SLC22A9: variants seen among roughly 807,000 people sequenced by gnomAD.
The protein encoded by SLC22A9 is solute carrier family 22 member 9, also known as organic anion transporter 7.
A neutral mutation model predicts 50.1 loss-of-function variants in SLC22A9; 64 were observed. The ratio of observed to expected loss-of-function variants is 1.28; its 90% CI spans 1.04 to 1.57. The LOEUF (loss-of-function observed/expected upper bound fraction) is 1.57. Among genes scored for constraint, SLC22A9 ranks in the 40% most tolerant of loss-of-function variants. SLC22A9 has a pLI of 0.00. For missense variants in SLC22A9, 757 were observed against 676.1 expected (o/e 1.12, Z -1.33); for synonymous variants, 261 against 242.5 (o/e 1.08, Z -0.71).
At chr11:63,385,127 T>TTTG (rs61076713) in intron 6 of SLC22A9, among the ~76,000 whole-genome samples, 2 of 138,508 alleles carry the variant, frequency 1.4e-5, no homozygotes, top group Admixed American at 7.6e-5. Context: ...TTTTTTTTTT[T>TTTG]GCTGTGCAGA....
intron 6 of SLC22A9, among the ~76,000 whole-genome samples, chr11:63,402,425 T>C (rs977583010): frequency 1.3e-4 from 20 of 152,142 alleles, no homozygotes; most frequent in African/African-American, 4.6e-4. Context: ...GTTGTAGATA[T>C]GTGGCTTTAT....
intron 6 of SLC22A9, among the ~76,000 whole-genome samples, chr11:63,402,203 G>T (rs575733796): frequency 6.6e-6 from 1 of 151,986 alleles, no homozygotes; most frequent in African/African-American, 2.4e-5. Context: ...GATGTTCAGC[G>T]TGGTATTTCC....
At position 63,378,842 on chromosome 11, in the gene SLC22A9, A is replaced by G. The variant is rs566644233; in HGVS notation, c.954+3074A>G. Among the ~76,000 whole-genome samples the G allele has an allele frequency of 2.6e-5, 4 of 152,260 alleles. No individual in the cohort carries two copies. In the East Asian group the frequency reaches 7.7e-4, roughly 29 times the overall value. On this transcript the variant is annotated intron_variant, in intron 5 of 9. Coordinates refer to ENST00000279178, the MANE Select transcript of SLC22A9 (RefSeq NM_080866.3). ...GCAAGAGTTCTACAATGAGAACTAC[A>G]AAGCAATGATGAAAGAAAGCAGAGA...
chr11:63,397,700 T>C (rs960460628), intron 6 of SLC22A9, among the ~76,000 whole-genome samples: 1 of 152,034 alleles, frequency 6.6e-6, no homozygotes, highest in African/African-American at 2.4e-5. Context: ...TTATTGCCAA[T>C]GTGCACTCAA....
At chr11:63,404,148 T>A (rs935060498) in intron 6 of SLC22A9, among the ~76,000 whole-genome samples, 16 of 152,090 alleles carry the variant, frequency 1.1e-4, no homozygotes, top group Admixed American at 6.6e-4. Context: ...ATACCTATAA[T>A]GGAATATTAG....
At chr11:63,383,101 A>G (rs181515769) in intron 6 of SLC22A9, among the ~76,000 whole-genome samples, 24 of 152,298 alleles carry the variant, frequency 1.6e-4, no homozygotes, top group Admixed American at 3.9e-4. Flanking sequence ...GGGTCACTGA[A>G]TAGAAGGTGA....
intron 6 of SLC22A9, among the ~76,000 whole-genome samples, chr11:63,383,327 A>G (rs1003072392): frequency 6.6e-6 from 1 of 152,190 alleles, no homozygotes; most frequent in African/African-American, 2.4e-5. Flanking sequence ...AAACATGATA[A>G]AAAAAATCTG....
intron 6 of SLC22A9, among the ~76,000 whole-genome samples, chr11:63,395,096 GC>G (rs988941954): frequency 6.6e-6 from 1 of 151,706 alleles, no homozygotes; most frequent in African/African-American, 2.4e-5. Flanking sequence ...AGTTTCTTTT[GC>G]TTTTTCTTTA....
Position 63,374,062 on chromosome 11 carries a change from G to A in SLC22A9, c.830G>A (p.Ser277Asn). ...VPYFVIFLTS[S>N]WLLESARWLI... ...TACTTTGTGATCTTTCTGACCTCAA[G>A]GTATGAGTTTGTTTCTTCTTTTGTC... Residue 277 changes from serine to asparagine, a missense_variant and splice_region_variant, in exon 4 of 10, where the codon AGT becomes AAT. By Grantham distance (46) the Ser-to-Asn change is conservative (BLOSUM62 1). Transcript: ENST00000279178. 4 of 1,602,732 alleles carry A rather than the reference G, an allele frequency of 2.5e-6. No homozygotes were observed. Among genetic ancestry groups the A allele is most frequent in the South Asian group, 1.1e-5 (1 of 88,896 alleles).
intron 6 of SLC22A9, among the ~76,000 whole-genome samples, chr11:63,391,888 C>G (rs1242854024): frequency 1.3e-5 from 2 of 151,892 alleles, no homozygotes; most frequent in Admixed American, 1.3e-4. Context: ...TATCTTCCTT[C>G]TCTCCTTCCT....
In SLC22A9 at chr11:63,376,658, T is replaced by C. The variant is rs963598366; in HGVS notation, c.954+890T>C. Among the ~76,000 whole-genome samples, 10 of 152,048 alleles carry C rather than the reference T, an allele frequency of 6.6e-5. No individual in the cohort carries two copies. In the South Asian group the frequency reaches 1.5e-3, roughly 22 times the overall value. The stretch of plus-strand genomic sequence containing the variant: ...AAAAATACATTTTCTCCCATTTTAT[T>C]GAAAAAGGAGAGGATTAAGAGCAAG... On this transcript the variant is annotated intron_variant, in intron 5 of 9. Transcript: ENST00000279178.
intron 6 of SLC22A9, among the ~76,000 whole-genome samples, chr11:63,395,855 A>G (rs1485801233): frequency 6.6e-6 from 1 of 151,260 alleles, no homozygotes. Flanking sequence ...CTGAGCTCAG[A>G]CTCTCCTTGG....
Position 63,408,172 on chromosome 11 carries a change from A to G in SLC22A9, c.1349A>G (p.Asn450Ser). 5 of 1,613,766 alleles carry G rather than the reference A, an allele frequency of 3.1e-6. No homozygotes were observed. The highest frequency in any genetic ancestry group is 1.3e-5 in the African/African-American group (1 of 75,022). ...GGCTTAGGAGCGTCTGCTCTTGCCAATACCCTTGCTTTTGCCCATGGAAAT... is the reference window on the plus strand; with the variant it reads ...GGCTTAGGAGCGTCTGCTCTTGCCAGTACCCTTGCTTTTGCCCATGGAAAT... Reference protein sequence around the residue: ...TLGLGASALANTLAFAHGNEV... With the variant: ...TLGLGASALASTLAFAHGNEV... Residue 450 changes from asparagine (N) to serine (S), a missense_variant, in exon 8 of 10, where the codon AAT becomes AGT. Coordinates refer to ENST00000279178, the MANE Select transcript of SLC22A9 (RefSeq NM_080866.3).
At chr11:63,409,743 T>C in intron 9 of SLC22A9, 59 bp from the exon 10 acceptor site, 1 of 1,508,626 alleles carries the variant, frequency 6.6e-7, no homozygotes, top group East Asian at 2.3e-5. Flanking sequence ...GACTTACATG[T>C]TTAGTCCATG....
intron 5 of SLC22A9, among the ~76,000 whole-genome samples, chr11:63,379,655 G>T (rs575220531): frequency 1.3e-5 from 2 of 152,236 alleles, no homozygotes; most frequent in East Asian, 3.9e-4. Context: ...AATCTATAAG[G>T]CACATGAACA....
intron 6 of SLC22A9, among the ~76,000 whole-genome samples, chr11:63,390,866 G>A (rs1030472169): frequency 7.9e-5 from 12 of 151,822 alleles, no homozygotes; most frequent in Admixed American, 2.0e-4. Context: ...CTGATTTGGG[G>A]TTTGGTTTGC....
intron 5 of SLC22A9, among the ~76,000 whole-genome samples, chr11:63,378,679 A>T (rs561630105): frequency 1.3e-5 from 2 of 152,182 alleles, no homozygotes; most frequent in Non-Finnish European, 2.9e-5. Flanking sequence ...AAGTTTCAGG[A>T]TACAAAATCA....
chr11:63,408,031 C>T lies in SLC22A9; in HGVS notation c.1289-81C>T, dbSNP rs149383176. 7.4e-4 allele frequency: 839 copies of T among 1,128,080 alleles called. 1 individual carries two copies. Among genetic ancestry groups the T allele is most frequent in the Middle Eastern group, 2.0e-3 (8 of 4,022 alleles). 69.9% of individuals were successfully genotyped at this position (1,128,080 alleles called of 1,614,324 possible). On this transcript the variant is annotated intron_variant, in intron 7 of 9. Coordinates refer to ENST00000279178, the MANE Select transcript of SLC22A9 (RefSeq NM_080866.3). ...TTAACCCTTGCAAACACCTCCAATA[C>T]AGTCCTTTTCACTTCTACCTTGGGG...
At chr11:63,381,476 C>T (rs576586720) in intron 5 of SLC22A9, among the ~76,000 whole-genome samples, 1 of 152,232 alleles carries the variant, frequency 6.6e-6, no homozygotes, top group South Asian at 2.1e-4. Context: ...GCCCAGAAAG[C>T]AGGCCTGAAT....
Sources: allele counts gnomAD v4.1 joint callset (sites outside exome capture counted in the v4.1 genomes callset), GRCh38; gene constraint gnomAD v4.1.1; transcripts MANE v1.5; gene names NCBI Gene and HGNC (gene_info 2026-07-23, HGNC 2026-07-21).